Variants in RALY observed in about 807,000 individuals in gnomAD.
RALY encodes the protein RALY heterogeneous nuclear ribonucleoprotein.
A neutral mutation model predicts 30.7 loss-of-function variants in RALY; 15 were observed. That is an observed-to-expected ratio of 0.49 (90% CI 0.33 to 0.75). The LOEUF (loss-of-function observed/expected upper bound fraction) is 0.75. RALY is among the 30% of genes least tolerant of loss of function. The probability of loss-of-function intolerance (pLI) is 0.02; values close to 1 mark genes in which losing one functional copy is unlikely to be tolerated. For synonymous variants in RALY, 177 were observed against 170.8 expected, an observed-to-expected ratio of 1.04 and a Z score of -0.28; for missense variants, 339 against 414.3, an observed-to-expected ratio of 0.82 and a Z score of 1.58.
intron 2 of RALY, among the ~76,000 whole-genome samples, chr20:34,057,598 C>T (rs1282965530): frequency 1.4e-5 from 2 of 142,496 alleles, no homozygotes; most frequent in Non-Finnish European, 3.0e-5. Context: ...ACCTGGGAGG[C>T]GGAGCTTACA....
chr20:34,063,665 G>A (rs967843972), intron 2 of RALY, among the ~76,000 whole-genome samples: 2 of 152,216 alleles, frequency 1.3e-5, no homozygotes, highest in Non-Finnish European at 2.9e-5. Context: ...GGAGACAGCA[G>A]TGAAGACATT....
At chr20:34,078,389 G>T (rs2033953182) in intron 8 of RALY, 116 bp from the exon 9 acceptor site, 5 of 885,534 alleles carry the variant, frequency 5.6e-6, no homozygotes, top group South Asian at 3.3e-5. Context: ...TGCGTCTTCT[G>T]ACTGTGTCCT....
intron 2 of RALY, among the ~76,000 whole-genome samples, chr20:34,053,992 C>G (rs1402835110): frequency 6.6e-6 from 1 of 152,170 alleles, no homozygotes; most frequent in Admixed American, 6.5e-5. Context: ...GTTGCCTTTG[C>G]TCCCTGTAGT....
intron 1 of RALY, among the ~76,000 whole-genome samples, chr20:34,028,536 G>A (rs1031299580): frequency 6.6e-6 from 1 of 150,536 alleles, no homozygotes; most frequent in Non-Finnish European, 1.5e-5. Context: ...AACCCCGTCT[G>A]TACTAAAAAT....
intron 2 of RALY, among the ~76,000 whole-genome samples, chr20:34,066,720 C>T (rs758671689): frequency 1.3e-5 from 2 of 150,202 alleles, no homozygotes; most frequent in Admixed American, 6.6e-5. Context: ...AGGTATTAAA[C>T]TCATTCTTGA....
intron 6 of RALY, 126 bp downstream of exon 6, chr20:34,076,166 C>T: frequency 8.4e-7 from 1 of 1,186,020 alleles, no homozygotes; most frequent in African/African-American, 1.5e-5. Flanking sequence ...TGCTCTAACA[C>T]AGCCAAGTAT....
chr20:34,010,713 A>G (rs966288712), intron 1 of RALY, among the ~76,000 whole-genome samples: 5 of 152,182 alleles, frequency 3.3e-5, no homozygotes, highest in African/African-American at 1.2e-4. Flanking sequence ...AAAGCGTAGT[A>G]AGCTAAGTTC....
chr20:34,039,018 A>C (rs2032601483), intron 2 of RALY, among the ~76,000 whole-genome samples: 1 of 152,194 alleles, frequency 6.6e-6, no homozygotes, highest in Non-Finnish European at 1.5e-5. Flanking sequence ...TCAGTTCTAC[A>C]AACAGGGAAT....
At chr20:34,014,519 C>T (rs897885591) in intron 1 of RALY, among the ~76,000 whole-genome samples, 1 of 151,726 alleles carries the variant, frequency 6.6e-6, no homozygotes, top group African/African-American at 2.4e-5. Flanking sequence ...TTTACTATTC[C>T]AAGGTGAAAT....
At chr20:34,019,917 C>T (rs972258314) in intron 1 of RALY, among the ~76,000 whole-genome samples, 3 of 151,876 alleles carry the variant, frequency 2.0e-5, no homozygotes, top group Admixed American at 6.6e-5. Flanking sequence ...AAAAATTAGC[C>T]GGGCGTAGTG....
intron 1 of RALY, among the ~76,000 whole-genome samples, chr20:34,028,690 CGA>C (rs537091056): frequency 4.6e-4 from 49 of 107,182 alleles, no homozygotes; most frequent in African/African-American, 1.8e-3. Context: ...GGTGACAGAG[CGA>C]GAGACTCCAT....
intron 1 of RALY, among the ~76,000 whole-genome samples, chr20:34,017,175 T>C (rs1601417865): frequency 1.5e-5 from 2 of 131,838 alleles, no homozygotes; most frequent in East Asian, 4.6e-4. Context: ...CCTCTTCAGA[T>C]GGAAAAATCA....
chr20:34,077,674 G>A (rs760835109), intron 8 of RALY: 3 of 273,016 alleles, frequency 1.1e-5, no homozygotes, highest in East Asian at 1.2e-4. Flanking sequence ...TGAGCTCCCC[G>A]CCTGTTACTA....
chr20:34,058,130 G>A (rs1363556556), intron 2 of RALY, among the ~76,000 whole-genome samples: 3 of 152,068 alleles, frequency 2.0e-5, no homozygotes, highest in Non-Finnish European at 4.4e-5. Context: ...ACAATGACAA[G>A]GGGGAAAGAC....
intron 2 of RALY, among the ~76,000 whole-genome samples, chr20:34,068,047 T>C (rs1296290239): frequency 6.6e-6 from 1 of 152,092 alleles, no homozygotes; most frequent in Non-Finnish European, 1.5e-5. Flanking sequence ...ATTTATAAGC[T>C]CCATGTGCAC....
chr20:34,077,841 C>CT (rs1346879490), intron 8 of RALY, among the ~76,000 whole-genome samples: 1 of 152,260 alleles, frequency 6.6e-6, no homozygotes, highest in African/African-American at 2.4e-5. Flanking sequence ...ATCATACTCT[C>CT]TAACTTCACA....
At chr20:34,045,220 C>T (rs2032838793) in intron 2 of RALY, among the ~76,000 whole-genome samples, 1 of 152,128 alleles carries the variant, frequency 6.6e-6, no homozygotes, top group Non-Finnish European at 1.5e-5. Flanking sequence ...CAGCGTAGAA[C>T]TTATTTTAAT....
At chr20:34,056,057 G>A (rs572801028) in intron 2 of RALY, among the ~76,000 whole-genome samples, 6 of 152,144 alleles carry the variant, frequency 3.9e-5, no homozygotes, top group South Asian at 2.1e-4. Flanking sequence ...ACTGGGCTGC[G>A]TACAACATCA....
intron 2 of RALY, among the ~76,000 whole-genome samples, chr20:34,038,845 A>G (rs984688415): frequency 1.3e-5 from 2 of 152,206 alleles, no homozygotes; most frequent in Admixed American, 1.3e-4. Flanking sequence ...GATGAAGAAA[A>G]TACCTGGCCT....
Sources: gnomAD v4.1 joint callset for allele counts (sites outside exome capture counted in the v4.1 genomes callset) on GRCh38, gnomAD v4.1.1 for gene constraint, MANE v1.5 for transcripts, NCBI Gene and HGNC (gene_info 2026-07-23, HGNC 2026-07-21) for gene names.